Variants in PCDH7 observed in about 807,000 individuals in gnomAD.
The protein encoded by PCDH7 is protocadherin 7, also known as protocadherin-7.
PCDH7 carries 17 observed loss-of-function variants against 58.9 expected under a neutral mutation model. The observed-to-expected ratio is 0.29, with a 90% CI of 0.20 to 0.43. The LOEUF (loss-of-function observed/expected upper bound fraction) is 0.43. Among genes scored for constraint, PCDH7 ranks in the 20% least tolerant of loss-of-function variants. The pLI is 1.00. For synonymous variants in PCDH7, 664 were observed against 616.4 expected (o/e 1.08, Z -1.14); for missense variants, 1,274 against 1,441.0 (o/e 0.88, Z 1.88).
intron 1 of PCDH7, among the ~76,000 whole-genome samples, chr4:30,771,685 C>T (rs1375993187): frequency 2.0e-5 from 3 of 151,994 alleles, no homozygotes; most frequent in Admixed American, 6.6e-5. Context: ...TTTAACAAAT[C>T]TGAAATTTTC....
chr4:30,874,664 C>T (rs1019401939), intron 1 of PCDH7, among the ~76,000 whole-genome samples: 6 of 149,552 alleles, frequency 4.0e-5, no homozygotes, highest in African/African-American at 1.5e-4. Flanking sequence ...ACATTGTGCA[C>T]ATGTACCCTA....
intron 3 of PCDH7, among the ~76,000 whole-genome samples, chr4:31,102,474 G>A (rs1487285699): frequency 6.6e-6 from 1 of 152,076 alleles, no homozygotes; most frequent in African/African-American, 2.4e-5. Flanking sequence ...TGTAATTCCA[G>A]CACTTTGGGA....
intron 3 of PCDH7, among the ~76,000 whole-genome samples, chr4:31,074,428 G>A (rs537147105): frequency 6.6e-6 from 1 of 152,068 alleles, no homozygotes; most frequent in African/African-American, 2.4e-5. Context: ...ATATTTGGGT[G>A]TGACTGGAAA....
intron 1 of PCDH7, among the ~76,000 whole-genome samples, chr4:30,829,841 G>C (rs1729555353): frequency 6.6e-6 from 1 of 151,960 alleles, no homozygotes; most frequent in Non-Finnish European, 1.5e-5. Context: ...GGATGGAGAG[G>C]AGTTGATGAT....
At chr4:30,925,347 C>T (rs1743720023) in intron 2 of PCDH7, among the ~76,000 whole-genome samples, 1 of 152,100 alleles carries the variant, frequency 6.6e-6, no homozygotes, top group African/African-American at 2.4e-5. Context: ...TCCTGTCTCC[C>T]AATTTTCAAG....
At chr4:31,084,656 A>AAGAG (rs71651575) in intron 3 of PCDH7, among the ~76,000 whole-genome samples, 26 of 112,470 alleles carry the variant, frequency 2.3e-4, no homozygotes, top group East Asian at 6.9e-4. Context: ...AGGAGCAAGA[A>AAGAG]AGAGAGAGAG....
intron 3 of PCDH7, among the ~76,000 whole-genome samples, chr4:31,099,264 G>C (rs1033648703): frequency 6.6e-6 from 1 of 152,194 alleles, no homozygotes; most frequent in Admixed American, 6.5e-5. Context: ...TGTGTTGTAG[G>C]TCTTGAGTTT....
At chr4:30,814,922 T>C (rs1463706234) in intron 1 of PCDH7, among the ~76,000 whole-genome samples, 2 of 151,978 alleles carry the variant, frequency 1.3e-5, no homozygotes, top group African/African-American at 4.8e-5. Flanking sequence ...CTATATTATG[T>C]TTGACGTGAT....
At chr4:30,791,931 A>G (rs540578386) in intron 1 of PCDH7, among the ~76,000 whole-genome samples, 2 of 152,364 alleles carry the variant, frequency 1.3e-5, no homozygotes, top group African/African-American at 4.8e-5. Context: ...TCATATTATC[A>G]TAAAAAGATA....
chr4:31,085,812 C>T (rs1712340572), intron 3 of PCDH7, among the ~76,000 whole-genome samples: 1 of 151,278 alleles, frequency 6.6e-6, no homozygotes, highest in Admixed American at 6.6e-5. Flanking sequence ...TATATTGTGA[C>T]ATCCTACATA....
chr4:31,028,687 G>T (rs1248558137), intron 3 of PCDH7, among the ~76,000 whole-genome samples: 3 of 151,132 alleles, frequency 2.0e-5, no homozygotes, highest in Non-Finnish European at 2.9e-5. Flanking sequence ...CAAACTTTAG[G>T]ATTAATATTA....
intron 1 of PCDH7, among the ~76,000 whole-genome samples, chr4:30,782,448 TA>T (rs1722924673): frequency 6.6e-6 from 1 of 152,204 alleles, no homozygotes; most frequent in South Asian, 2.1e-4. Flanking sequence ...ATTCCTACTT[TA>T]CAAGGACTTT....
intron 1 of PCDH7, among the ~76,000 whole-genome samples, chr4:30,764,755 T>C (rs571418238): frequency 6.6e-6 from 1 of 152,148 alleles, no homozygotes; most frequent in South Asian, 2.1e-4. Flanking sequence ...AGAGACTTGC[T>C]CTGTCACCAG....
intron 3 of PCDH7, among the ~76,000 whole-genome samples, chr4:31,099,288 C>T (rs891051781): frequency 2.0e-5 from 3 of 152,146 alleles, no homozygotes; most frequent in African/African-American, 4.8e-5. Context: ...TCAATCTGCT[C>T]TCTGAGTGAA....
chr4:30,737,478 G>C (rs140893405), downstream of PCDH7, among the ~76,000 whole-genome samples: 7 of 152,208 alleles, frequency 4.6e-5, no homozygotes, highest in East Asian at 1.4e-3. Flanking sequence ...TGTTCACGCT[G>C]CACTCCAGCC....
chr4:30,756,215 C>T (rs759294664), intron 1 of PCDH7, among the ~76,000 whole-genome samples: 1 of 152,116 alleles, frequency 6.6e-6, no homozygotes, highest in African/African-American at 2.4e-5. Context: ...CCCTTGGGAA[C>T]CAGTCTGGTT....
chr4:31,037,474 T>C (rs1304652271), intron 3 of PCDH7, among the ~76,000 whole-genome samples: 1 of 152,220 alleles, frequency 6.6e-6, no homozygotes, highest in Non-Finnish European at 1.5e-5. Context: ...TTCATACTTC[T>C]ATTTGCAAGT....
intron 2 of PCDH7, among the ~76,000 whole-genome samples, chr4:30,949,689 T>C: frequency 6.6e-6 from 1 of 152,132 alleles, no homozygotes; most frequent in Non-Finnish European, 1.5e-5. Context: ...AGGTGCATTG[T>C]GAGACAGTTA....
At chr4:31,122,530 T>C (rs1250285218) in intron 3 of PCDH7, among the ~76,000 whole-genome samples, 2 of 152,174 alleles carry the variant, frequency 1.3e-5, no homozygotes, top group African/African-American at 4.8e-5. Flanking sequence ...CCCCTCTTTT[T>C]GAAGGTTATT....
Sources: gnomAD v4.1 joint callset for allele counts (sites outside exome capture counted in the v4.1 genomes callset) on GRCh38, gnomAD v4.1.1 for gene constraint, MANE v1.5 for transcripts, NCBI Gene and HGNC (gene_info 2026-07-23, HGNC 2026-07-21) for gene names.